Variants in MAP3K15 observed in about 807,000 individuals in gnomAD.
MAP3K15 encodes mitogen-activated protein kinase kinase kinase 15, also known as MAPK/ERK kinase kinase 15.
In MAP3K15, 124 loss-of-function variants were observed where a neutral mutation model predicts 99.5. The ratio of observed to expected loss-of-function variants is 1.25; its 90% CI spans 1.08 to 1.45. The LOEUF is 1.45. Among genes scored for constraint, MAP3K15 ranks in the 40% most tolerant of loss-of-function variants. The pLI is 0.00. For synonymous variants in MAP3K15, 494 were observed against 439.6 expected (o/e 1.12, Z -1.55); for missense variants, 1,242 against 1,079.7 (o/e 1.15, Z -2.11).
intron 25 of MAP3K15, among the ~76,000 whole-genome samples, chrX:19,364,147 T>G (rs7059103): frequency 0.22 from 24,078 of 111,482 alleles, 5,014 homozygotes; most frequent in African/African-American, 0.66. Context: ...TCTAAACCCC[T>G]GTTTTGAAGC....
intron 6 of MAP3K15, among the ~76,000 whole-genome samples, chrX:19,434,585 A>C (rs1264637708): frequency 9.0e-6 from 1 of 111,048 alleles, no homozygotes; most frequent in Non-Finnish European, 1.9e-5. Context: ...GCACCTCAAA[A>C]ACTACTGCAT....
chrX:19,370,049 A>T (rs1270841331), intron 24 of MAP3K15, among the ~76,000 whole-genome samples: 1 of 111,963 alleles, frequency 8.9e-6, no homozygotes, highest in African/African-American at 3.2e-5. Flanking sequence ...CCTGCAGCTG[A>T]GCCTGGGCTA....
At position 19,494,085 on chromosome X, in the gene MAP3K15, A is replaced by C. The variant is rs767434513; in HGVS notation, c.362-5118T>G. On this transcript the variant is annotated intron_variant, in intron 1 of 28. Coordinates refer to ENST00000338883, the MANE Select transcript of MAP3K15 (RefSeq NM_001001671.4). ...GACGCAGGCCAGCTTCAGGGAAAAA[A>C]AAAACACATATCATATAAACCATCT... Among the ~76,000 whole-genome samples the C allele has an allele frequency of 8.1e-5, 9 of 111,235 alleles. No individual in the cohort carries two copies. The South Asian group carries it at 3.4e-3, about 42-fold the overall frequency.
At chrX:19,413,683 G>GC (rs1401850528) in intron 10 of MAP3K15, among the ~76,000 whole-genome samples, 1 of 60,314 alleles carries the variant, frequency 1.7e-5, no homozygotes, top group African/African-American at 6.8e-5. Flanking sequence ...CTCTTGGGGG[G>GC]GGGGGTGGGG....
chrX:19,384,762 A>C (rs1004825679), intron 18 of MAP3K15, among the ~76,000 whole-genome samples: 5 of 101,647 alleles, frequency 4.9e-5, no homozygotes, highest in Non-Finnish European at 8.0e-5. Flanking sequence ...AAAAAAAAAA[A>C]AAAAAAAAAA....
Position 19,398,221 on chromosome X carries a change from C to T in MAP3K15, c.2066+5G>A, listed in dbSNP as rs775656503. ...CCGAAATGCGGAAGGCCCGCCTGGA[C>T]TTGCCTGCTATCTCTCTCCGGGATT... On this transcript the variant is annotated splice_donor_5th_base_variant and intron_variant, in intron 15 of 28. Transcript: ENST00000338883. 6.0e-5 allele frequency: 72 copies of T among 1,209,701 alleles called. No homozygotes were observed. The highest frequency in any genetic ancestry group is 7.3e-5 in the Non-Finnish European group (65 of 895,040).
chrX:19,401,691 T>C lies in MAP3K15; in HGVS notation c.1845-1028A>G, dbSNP rs2063609520. ...TTCTGCTGACACAGAACAAGCTTAA[T>C]ATTGACCCATAAATCTTTCTCACAA... On this transcript the variant is annotated intron_variant, in intron 13 of 28. Coordinates refer to ENST00000338883, the MANE Select transcript of MAP3K15 (RefSeq NM_001001671.4). 2.8e-5 allele frequency among the ~76,000 whole-genome samples: 3 copies of C among 108,799 alleles called. No homozygotes were observed. The South Asian group carries it at 1.2e-3, about 42-fold the overall frequency. The allele number at this position is 108,799 out of a possible 115,157, so 94.5% of individuals were successfully genotyped here.
rs1172293694 is a variant in MAP3K15, at chrX:19,361,531, A to G, written c.3742T>C (p.Leu1248=). ...TTTGCATCAGCTCCTTGCAGCCGCA[A>G]CCAGTCTATAAGCTCTTTATCTGTT... ...QRTDKELIDW[L]RLQGADAKTI... The change falls in exon 27 of 29, where the codon TTG becomes CTG. Residue 1248 remains leucine, a synonymous_variant. Coordinates refer to ENST00000338883, the MANE Select transcript of MAP3K15 (RefSeq NM_001001671.4). 3.3e-6 allele frequency: 4 copies of G among 1,211,622 alleles called. No homozygotes were observed. The highest frequency in any genetic ancestry group is 3.4e-6 in the Non-Finnish European group (3 of 895,229).
At chrX:19,484,574 G>A (rs903637457) in intron 3 of MAP3K15, among the ~76,000 whole-genome samples, 1 of 111,922 alleles carries the variant, frequency 8.9e-6, no homozygotes, top group Admixed American at 9.5e-5. Flanking sequence ...TGCACCAGGA[G>A]GGAGGTATGT....
chrX:19,371,387 G>A lies in MAP3K15; in HGVS notation c.3252C>T (p.Ser1084=). The A allele has an allele frequency of 8.3e-7, 1 of 1,210,863 alleles. No homozygotes were observed. Among genetic ancestry groups the A allele is most frequent in the Non-Finnish European group, 1.1e-6 (1 of 894,852 alleles). The change falls in exon 23 of 29, where the codon TCC becomes TCT. Residue 1084 remains serine (S), a synonymous_variant. Transcript: ENST00000338883. The part of the protein sequence containing the change: ...LKVDLDFDSS[S]ISQIHLVLFG... ...ACAGCACCAGGTGAATCTGACTGAT[G>A]GACGAGCTGTCAAAGTCCAGGTCCA...
At chrX:19,431,940 CTTTTT>C (rs773036480) in intron 6 of MAP3K15, among the ~76,000 whole-genome samples, 1 of 81,055 alleles carries the variant, frequency 1.2e-5, no homozygotes, top group Non-Finnish European at 2.4e-5. Flanking sequence ...TGAGACCCTG[CTTTTT>C]TTTTTTTTTT....
At chrX:19,419,528 C>G (rs12391430) in intron 9 of MAP3K15, among the ~76,000 whole-genome samples, 20,888 of 109,696 alleles carry the variant, frequency 0.19, 3,936 homozygotes, top group African/African-American at 0.58. Flanking sequence ...GGAACACCCA[C>G]ATTCATAAAG....
At chrX:19,439,472 T>C (rs1277635254) in intron 6 of MAP3K15, among the ~76,000 whole-genome samples, 4 of 111,217 alleles carry the variant, frequency 3.6e-5, no homozygotes, top group African/African-American at 1.3e-4. Context: ...TAGTTTATTG[T>C]ATGGTGGTTT....
intron 1 of MAP3K15, among the ~76,000 whole-genome samples, chrX:19,514,117 C>A (rs931279646): frequency 4.5e-5 from 5 of 110,869 alleles, no homozygotes; most frequent in African/African-American, 1.6e-4. Flanking sequence ...AGAGGCAACA[C>A]ACACACACGT....
intron 1 of MAP3K15, among the ~76,000 whole-genome samples, chrX:19,512,705 C>T (rs770662992): frequency 4.7e-5 from 5 of 105,481 alleles, no homozygotes; most frequent in Non-Finnish European, 7.8e-5. Flanking sequence ...GCAATCCTCC[C>T]GCCTTGGCCT....
At chrX:19,360,964 C>A in intron 28 of MAP3K15, 131 bp from the exon 29 acceptor site, 1 of 476,028 alleles carries the variant, frequency 2.1e-6, no homozygotes, top group East Asian at 3.7e-5. Flanking sequence ...CGCTCGTGTC[C>A]CAGCAGTAGT....
intron 25 of MAP3K15, among the ~76,000 whole-genome samples, chrX:19,366,084 G>T (rs1002626006): frequency 5.6e-5 from 6 of 107,879 alleles, no homozygotes; most frequent in African/African-American, 2.0e-4. Flanking sequence ...ACAGTAGAGA[G>T]ATGAGAACAC....
intron 20 of MAP3K15, 73 bp downstream of exon 20, chrX:19,374,404 G>C: frequency 9.9e-7 from 1 of 1,014,319 alleles, no homozygotes; most frequent in Non-Finnish European, 1.4e-6. Flanking sequence ...TCTCCCTCCT[G>C]AGCAGCAGAG....
At chrX:19,485,813 T>C (rs1219496729) in intron 3 of MAP3K15, among the ~76,000 whole-genome samples, 1 of 111,173 alleles carries the variant, frequency 9.0e-6, no homozygotes, top group Non-Finnish European at 1.9e-5. Context: ...CACAATGCCA[T>C]AGGTCTGGAG....
Sources: allele counts gnomAD v4.1 joint callset (sites outside exome capture counted in the v4.1 genomes callset), GRCh38; gene constraint gnomAD v4.1.1; transcripts MANE v1.5; gene names NCBI Gene and HGNC (gene_info 2026-07-23, HGNC 2026-07-21).